The following KPRP variants were observed in gnomAD, a reference collection of about 807,000 sequenced individuals.
The protein encoded by KPRP is keratinocyte proline-rich protein.
For synonymous variants in KPRP, 282 were observed against 276.9 expected (o/e 1.02, Z -0.18); for missense variants, 820 against 746.4 (o/e 1.10, Z -1.15).
Position 152,760,631 on chromosome 1 carries a change from CT to C in KPRP, c.1044del (p.Ile350SerfsTer21). On this transcript the variant is annotated frameshift_variant, in exon 1 of 1. Transcript: ENST00000606109. LOFTEE classifies it low-confidence loss of function (END_TRUNC). ...CCACAGAGGTGTCCTGTTGAGATTC[CT>C]CCCATCAGACGCCGCTCCCAGAGCT... is the stretch of plus-strand genomic sequence containing the variant. 6.2e-7 allele frequency: 1 copy of C among 1,610,052 alleles called. No homozygotes were observed. Among genetic ancestry groups the C allele is most frequent in the Non-Finnish European group, 8.5e-7 (1 of 1,180,010 alleles).
exon 1 of KPRP, chr1:152,761,087 C>T: frequency 6.2e-7 from 1 of 1,614,032 alleles, no homozygotes; most frequent in Non-Finnish European, 8.5e-7. Context: ...AGCCCCAGCC[C>T]ATGCTGGGGC....
At chr1:152,760,550 G>T (rs373804337) in exon 1 of KPRP, 2 of 1,610,390 alleles carry the variant, frequency 1.2e-6, no homozygotes, top group South Asian at 2.2e-5. Context: ...TCTCAGAGAC[G>T]TGGCCCCAAG....
chr1:152,760,923 G>T, exon 1 of KPRP: 1 of 1,613,548 alleles, frequency 6.2e-7, no homozygotes, highest in African/African-American at 1.3e-5. Context: ...CAACACCGCG[G>T]CCAGTTCCCC....
At chr1:152,758,545 A>G (rs540776803), upstream of KPRP, among the ~76,000 whole-genome samples, 1 of 152,312 alleles carries the variant, frequency 6.6e-6, no homozygotes, top group East Asian at 1.9e-4. Context: ...GGCTGCCTGC[A>G]CATAAACACG....
exon 1 of KPRP, chr1:152,760,792 C>T: frequency 6.2e-7 from 1 of 1,614,134 alleles, no homozygotes; most frequent in African/African-American, 1.3e-5. Context: ...ATGTCCACCT[C>T]CTGCTCCACG....
exon 1 of KPRP, chr1:152,761,314 A>C: frequency 6.2e-7 from 1 of 1,612,956 alleles, no homozygotes; most frequent in East Asian, 2.2e-5. Flanking sequence ...GGAAGCAAAG[A>C]GTGCTTATTT....
chr1:152,758,259 G>C (rs986447519), upstream of KPRP, among the ~76,000 whole-genome samples: 3 of 152,214 alleles, frequency 2.0e-5, no homozygotes, highest in Non-Finnish European at 4.4e-5. Flanking sequence ...AGCTAGGGCT[G>C]TGAAGCTAGT....
chr1:152,761,402 G>C, exon 1 of KPRP: 2 of 1,516,562 alleles, frequency 1.3e-6, no homozygotes, highest in Non-Finnish European at 1.8e-6. Context: ...TTTCCAGTAC[G>C]CTCTTGTTTG....
upstream of KPRP, chr1:152,759,510 G>A (rs1651036716): frequency 3.3e-6 from 5 of 1,531,018 alleles, no homozygotes; most frequent in Non-Finnish European, 4.4e-6. Context: ...CTAGGTCCTG[G>A]CACCCCCTCT....
At chr1:152,760,253 G>A (rs1242733211) in exon 1 of KPRP, 1 of 1,613,994 alleles carries the variant, frequency 6.2e-7, no homozygotes, top group South Asian at 1.1e-5. Context: ...CCTCAGTATC[G>A]GTCCCGGACT....
At chr1:152,761,196 C>T (rs1435371619) in exon 1 of KPRP, 1 of 1,614,124 alleles carries the variant, frequency 6.2e-7, no homozygotes, top group South Asian at 1.1e-5. Context: ...CCAGTTACAA[C>T]CAGGGGCAAG....
At chr1:152,761,118 A>C in exon 1 of KPRP, 1 of 1,614,084 alleles carries the variant, frequency 6.2e-7, no homozygotes, top group Middle Eastern at 1.6e-4. Flanking sequence ...TTCCATACCC[A>C]GGAGACCTAG....
exon 1 of KPRP, chr1:152,761,895 A>G (rs1651152009): frequency 5.9e-6 from 1 of 168,378 alleles, no homozygotes; most frequent in Non-Finnish European, 1.4e-5. Flanking sequence ...AACTGAGTGG[A>G]GTCGGAGAAT....
chr1:152,760,755 C>T, exon 1 of KPRP: 8 of 1,614,170 alleles, frequency 5.0e-6, no homozygotes, highest in Non-Finnish European at 6.8e-6. Context: ...GGCGTCTTGA[C>T]CAGTGTCCAG....
At chr1:152,760,307 A>C in exon 1 of KPRP, 1 of 1,613,980 alleles carries the variant, frequency 6.2e-7, no homozygotes, top group South Asian at 1.1e-5. Flanking sequence ...CAGGGCTCCT[A>C]TGGGAGCTTC....
chr1:152,760,549 C>T (rs1291903320), exon 1 of KPRP: 4 of 1,610,676 alleles, frequency 2.5e-6, no homozygotes, highest in South Asian at 2.2e-5. Context: ...CTCTCAGAGA[C>T]GTGGCCCCAA....
exon 1 of KPRP, chr1:152,761,444 T>C: frequency 6.9e-7 from 1 of 1,457,880 alleles, no homozygotes; most frequent in East Asian, 2.5e-5. Context: ...AGACTCCCTA[T>C]TACGAAGGTG....
At chr1:152,760,849 C>A in exon 1 of KPRP, 1 of 1,614,180 alleles carries the variant, frequency 6.2e-7, no homozygotes, top group Non-Finnish European at 8.5e-7. Flanking sequence ...ACCACGCCCG[C>A]GTCCTCTACC....
At chr1:152,761,208 G>T in exon 1 of KPRP, 1 of 1,614,222 alleles carries the variant, frequency 6.2e-7, no homozygotes, top group Non-Finnish European at 8.5e-7. Context: ...AGGGGCAAGA[G>T]AGTGGTGCTG....
Sources: allele counts gnomAD v4.1 joint callset (sites outside exome capture counted in the v4.1 genomes callset), GRCh38; gene constraint gnomAD v4.1.1; transcripts MANE v1.5; gene names NCBI Gene and HGNC (gene_info 2026-07-23, HGNC 2026-07-21).